Variants in POLR1C observed in about 807,000 individuals in gnomAD.
POLR1C encodes DNA-directed RNA polymerases I and III subunit RPAC1.
Under a neutral mutation model 38.3 loss-of-function variants are expected in POLR1C, and 42 were observed. The ratio of observed to expected loss-of-function variants is 1.10; its 90% CI spans 0.86 to 1.42. The LOEUF is 1.42. Ranked by LOEUF, POLR1C falls within the 40% of genes most tolerant of loss-of-function variation. The pLI is 0.00. For synonymous variants in POLR1C, 163 were observed against 163.9 expected, an observed-to-expected ratio of 0.99 and a Z score of 0.04; for missense variants, 507 against 450.5, an observed-to-expected ratio of 1.13 and a Z score of -1.14.
At chr6:43,529,011 A>G (rs899786465) in intron 8 of POLR1C, 9 of 1,292,294 alleles carry the variant, frequency 7.0e-6, no homozygotes, top group South Asian at 6.9e-5. Flanking sequence ...GGCAGAATCA[A>G]TCCCTAAAGG....
At position 43,556,304 on chromosome 6, in the gene POLR1C, G is replaced by A. The variant is rs191716040; in HGVS notation, c.*49-5096G>A. Among the ~76,000 whole-genome samples the A allele has an allele frequency of 1.7e-3, 252 of 152,202 alleles. 5 individuals are homozygous for A. The highest frequency in any genetic ancestry group is 0.016 in the Admixed American group (241 of 15,268). ...TTTAGGAGGCCAAGGTGGGCAGACTGCTTGTGCCCAAGAGTTCAAAACCAG... is the reference window on the plus strand; with the variant it reads ...TTTAGGAGGCCAAGGTGGGCAGACTACTTGTGCCCAAGAGTTCAAAACCAG... On this transcript the variant is annotated intron_variant, in intron 10 of 10. Transcript: ENST00000607635.
At chr6:43,517,411 T>C (rs548236383) in intron 2 of POLR1C, 34 bp downstream of exon 2, 3 of 1,579,030 alleles carry the variant, frequency 1.9e-6, no homozygotes. Context: ...GGGAGGGTTA[T>C]GAAGGCCAGA....
intron 10 of POLR1C, chr6:43,558,367 T>C (rs968073251): frequency 6.7e-5 from 50 of 743,358 alleles, no homozygotes; most frequent in Non-Finnish European, 2.8e-5. Context: ...AATGGGAAAC[T>C]AGGGCCTAAT....
chr6:43,558,183 T>C (rs1325247133), intron 10 of POLR1C, among the ~76,000 whole-genome samples: 1 of 152,118 alleles, frequency 6.6e-6, no homozygotes, highest in African/African-American at 2.4e-5. Context: ...TTTCCACTTT[T>C]TGGGGGAAAG....
chr6:43,530,965 A>G, downstream of POLR1C: 2 of 1,093,224 alleles, frequency 1.8e-6, no homozygotes, highest in Non-Finnish European at 2.5e-6. Flanking sequence ...GAGAACTTAT[A>G]GATACAGCAT....
chr6:43,549,390 T>C (rs1582223781), intron 9 of POLR1C: 3 of 1,201,150 alleles, frequency 2.5e-6, no homozygotes, highest in South Asian at 1.5e-5. Context: ...TGCAAAGCTA[T>C]AGTTTCTAGT....
downstream of POLR1C, chr6:43,523,954 A>C: frequency 6.2e-7 from 1 of 1,613,974 alleles, no homozygotes; most frequent in Non-Finnish European, 8.5e-7. Context: ...TTGAAAAGTG[A>C]GGGAAGATTC....
chr6:43,536,631 C>T (rs985465853), intron 9 of POLR1C, among the ~76,000 whole-genome samples: 2 of 150,206 alleles, frequency 1.3e-5, no homozygotes, highest in Admixed American at 6.7e-5. Flanking sequence ...TGGTGGCACA[C>T]GCCTGTAAAT....
intron 9 of POLR1C, among the ~76,000 whole-genome samples, chr6:43,535,966 T>C (rs1794295480): frequency 1.3e-5 from 2 of 149,144 alleles, no homozygotes; most frequent in Non-Finnish European, 1.5e-5. Flanking sequence ...CTACTAAAAA[T>C]ATAAAAATTA....
chr6:43,527,053 A>G (rs116650328), intron 8 of POLR1C: 1 of 289,418 alleles, frequency 3.5e-6, no homozygotes, highest in African/African-American at 2.1e-5. Context: ...AAAATGACAC[A>G]GTAAAAATAA....
At chr6:43,545,089 T>C (rs1362995494) in intron 9 of POLR1C, among the ~76,000 whole-genome samples, 2 of 151,888 alleles carry the variant, frequency 1.3e-5, no homozygotes, top group Admixed American at 1.3e-4. Flanking sequence ...GCCAGGCTGG[T>C]CTGAAACTCC....
Position 43,521,014 on chromosome 6 carries a change from T to C in POLR1C, c.888T>C (p.Val296=). Residue 296 remains valine (V), a synonymous_variant, in exon 8 of 9, where the codon GTT becomes GTC. Coordinates refer to ENST00000642195, the MANE Select transcript of POLR1C (RefSeq NM_203290.4). ...TCCGGAATGAGAAGCTAAAGAAGGT[T>C]GTGAGGCTTGCCCGGGTTCGAGATC... The part of the protein sequence containing the change: ...EIFRNEKLKK[V]VRLARVRDHY... 3.1e-6 allele frequency: 5 copies of C among 1,614,166 alleles called. No homozygotes were observed.
intron 10 of POLR1C, chr6:43,560,875 A>T (rs1467692707): frequency 7.0e-7 from 1 of 1,427,566 alleles, no homozygotes. Flanking sequence ...AGTGCTTGAC[A>T]TTGGTTCACC....
chr6:43,557,508 C>A (rs964512511), intron 10 of POLR1C, among the ~76,000 whole-genome samples: 6 of 151,960 alleles, frequency 3.9e-5, no homozygotes, highest in African/African-American at 1.5e-4. Context: ...AAGGCAGTCA[C>A]AATAGACCAT....
At chr6:43,526,035 G>A, downstream of POLR1C, 1 of 1,195,172 alleles carries the variant, frequency 8.4e-7, no homozygotes, top group East Asian at 2.6e-5. Flanking sequence ...GCTAAGTGGT[G>A]GCTAAGTAGT....
In POLR1C at chr6:43,517,117, C is replaced by T. The variant is rs138184356; in HGVS notation, c.8C>T (p.Ala3Val). ...CTCGTGGAGAGATTGAAGATGGCGGCTTCTCAGGCGGTGGAGGAAATGCGG... is the reference window on the plus strand; with the variant it reads ...CTCGTGGAGAGATTGAAGATGGCGGTTTCTCAGGCGGTGGAGGAAATGCGG... Reference protein sequence around the residue: MAASQAVEEMRSR... With the variant: MAVSQAVEEMRSR... The change falls in exon 1 of 9, where the codon GCT becomes GTT. Residue 3 changes from alanine to valine, a missense_variant. Physicochemically the swap from Ala to Val is moderately conservative, Grantham distance 64. Transcript: ENST00000642195. 3.3e-4 allele frequency: 538 copies of T among 1,614,178 alleles called. 1 individual carries two copies. In the African/African-American group the frequency reaches 5.8e-3, roughly 17 times the overall value.
At chr6:43,524,927 A>G (rs763266745), downstream of POLR1C, 1 of 1,613,928 alleles carries the variant, frequency 6.2e-7, no homozygotes, top group Admixed American at 1.7e-5. Context: ...CACTGGTGAA[A>G]AGCCACGTAA....
chr6:43,526,843 G>A lies in POLR1C; in HGVS notation c.923-2406G>A, dbSNP rs533378835. The A allele has an allele frequency of 3.8e-6, 5 of 1,316,084 alleles. No individual in the cohort carries two copies. The Admixed American group carries it at 9.8e-5, about 26-fold the overall frequency. The allele number at this position is 1,316,084 out of a possible 1,614,324, so 81.5% of individuals were successfully genotyped here. On this transcript the variant is annotated intron_variant, in intron 8 of 8. Coordinates refer to the POLR1C transcript ENST00000304004. ...CTGATCCCAACCTGTCTCTGGCCAG[G>A]TGAGGAAGGAGGAAGATGGGGGTAC...
At chr6:43,524,672 T>C, downstream of POLR1C, 2 of 1,603,170 alleles carry the variant, frequency 1.2e-6, no homozygotes, top group South Asian at 1.1e-5. Context: ...GGATGTAGGT[T>C]TGGATATTGC....
Sources: allele counts gnomAD v4.1 joint callset (sites outside exome capture counted in the v4.1 genomes callset), GRCh38; gene constraint gnomAD v4.1.1; transcripts MANE v1.5; gene names NCBI Gene and HGNC (gene_info 2026-07-23, HGNC 2026-07-21).